CAPN2: variants seen among roughly 807,000 people sequenced by gnomAD.
CAPN2 encodes the protein calpain-2 catalytic subunit.
A neutral mutation model predicts 102.3 loss-of-function variants in CAPN2; 92 were observed. The ratio of observed to expected loss-of-function variants is 0.90; its 90% CI spans 0.76 to 1.07. The LOEUF (loss-of-function observed/expected upper bound fraction) is 1.07. Ranked by LOEUF, CAPN2 falls within the 50% of genes least tolerant of loss-of-function variation. The pLI, the probability that CAPN2 is intolerant of heterozygous loss-of-function variation, is 0.00. For missense variants in CAPN2, 800 were observed against 909.4 expected (o/e 0.88, Z 1.55); for synonymous variants, 340 against 355.4 (o/e 0.96, Z 0.49).
upstream of CAPN2, chr1:223,712,496 C>T (rs773799634): frequency 9.5e-5 from 113 of 1,193,868 alleles, no homozygotes; most frequent in Non-Finnish European, 1.1e-4. Context: ...CGGGCCGGGC[C>T]GCTTCCCTCC....
rs139659399 is a variant in CAPN2, at chr1:223,752,831, G to A, written c.1010G>A (p.Arg337His). Residue 337 changes from arginine (R) to histidine (H), a missense_variant, in exon 9 of 21, where the codon CGC becomes CAC. Arg to His is a conservative substitution (Grantham distance 29). Transcript: ENST00000295006. ...AGTGACTTCCTGAGGCACTATTCCC[G>A]CCTGGAGATCTGTAACCTGACCCCA... Reference protein sequence around the residue: ...SFSDFLRHYSRLEICNLTPDT... With the variant: ...SFSDFLRHYSHLEICNLTPDT... 1.6e-5 allele frequency: 26 copies of A among 1,614,010 alleles called. No individual in the cohort carries two copies. Among genetic ancestry groups the A allele is most frequent in the African/African-American group, 1.5e-4 (11 of 74,956 alleles).
At chr1:223,761,830 G>C (rs1402464770) in intron 13 of CAPN2, 1 of 539,664 alleles carries the variant, frequency 1.9e-6, no homozygotes, top group Non-Finnish European at 3.3e-6. Context: ...GGCTGTGCTA[G>C]CCACTGTCAA....
chr1:223,736,671 A>G (rs904868192), intron 2 of CAPN2, among the ~76,000 whole-genome samples: 2 of 152,160 alleles, frequency 1.3e-5, no homozygotes, highest in African/African-American at 4.8e-5. Context: ...ACACGAGAGC[A>G]TTTAAATCCA....
Position 223,754,465 on chromosome 1 carries a change from C to T in CAPN2, c.1136-1015C>T, listed in dbSNP as rs1332010361. On this transcript the variant is annotated intron_variant, in intron 9 of 20. Coordinates refer to ENST00000295006, the MANE Select transcript of CAPN2 (RefSeq NM_001748.5). This position sits in a 1 kb window ranked among gnomAD's most constrained non-coding sequence, Gnocchi z 4.7. ...TATAACAACAACTCTATTGCTATAA[C>T]CCAAAGGCAGCCATACTTAAGCGAA... Among the ~76,000 whole-genome samples, 1 of 152,212 alleles carries T rather than the reference C, an allele frequency of 6.6e-6. No individual in the cohort carries two copies. Among genetic ancestry groups the T allele is most frequent in the Non-Finnish European group, 1.5e-5 (1 of 68,050 alleles).
At chr1:223,716,718 G>A (rs1659881201) in intron 1 of CAPN2, among the ~76,000 whole-genome samples, 1 of 151,918 alleles carries the variant, frequency 6.6e-6, no homozygotes, top group African/African-American at 2.4e-5. Context: ...GCCCAGAGAG[G>A]CTCAAATTTG....
intron 1 of CAPN2, among the ~76,000 whole-genome samples, chr1:223,705,418 C>T (rs1198502637): frequency 6.6e-6 from 1 of 152,122 alleles, no homozygotes; most frequent in African/African-American, 2.4e-5. Context: ...GCTACTTTGG[C>T]TTTCTTACCA....
chr1:223,750,999 G>GC (rs1558072158), intron 7 of CAPN2, 24 bp downstream of exon 7: 5 of 1,541,400 alleles, frequency 3.2e-6, no homozygotes, highest in Non-Finnish European at 4.4e-6. Flanking sequence ...AGGCCTCGGG[G>GC]CCCCAGGCGG....
At chr1:223,766,830 G>T (rs563352561) in intron 16 of CAPN2, among the ~76,000 whole-genome samples, 1 of 152,048 alleles carries the variant, frequency 6.6e-6, no homozygotes, top group Admixed American at 6.5e-5. Context: ...TGTGGTGGCG[G>T]GCACCTGTAA....
chr1:223,757,221 G>C (rs769856715), intron 10 of CAPN2, 148 bp from the exon 11 acceptor site: 9 of 855,260 alleles, frequency 1.1e-5, no homozygotes, highest in Non-Finnish European at 1.8e-5. Context: ...GAGAGGCTTT[G>C]AGTTCCTTGG....
At chr1:223,763,937 C>T (rs1661248015) in intron 14 of CAPN2, among the ~76,000 whole-genome samples, 5 of 152,108 alleles carry the variant, frequency 3.3e-5, no homozygotes, top group Admixed American at 3.3e-4. Context: ...CTAAAAAGAA[C>T]CAAACCAAAA....
intron 11 of CAPN2, chr1:223,758,753 G>A (rs1043142355): frequency 5.9e-6 from 1 of 168,948 alleles, no homozygotes; most frequent in African/African-American, 2.5e-5. Flanking sequence ...GTACAGTGGT[G>A]TGATCATAGC....
intron 12 of CAPN2, among the ~76,000 whole-genome samples, chr1:223,760,701 T>A (rs1661162807): frequency 6.6e-6 from 1 of 152,146 alleles, no homozygotes; most frequent in Non-Finnish European, 1.5e-5. Flanking sequence ...CAGCCACAAG[T>A]CACTCTCCCA....
intron 2 of CAPN2, among the ~76,000 whole-genome samples, chr1:223,718,869 C>A (rs1427862957): frequency 6.6e-6 from 1 of 152,210 alleles, no homozygotes; most frequent in Non-Finnish European, 1.5e-5. Flanking sequence ...GGTCTTCCTA[C>A]AGCTAAAGTG....
intron 2 of CAPN2, among the ~76,000 whole-genome samples, chr1:223,741,595 T>C (rs1162148407): frequency 1.3e-5 from 2 of 151,118 alleles, no homozygotes; most frequent in East Asian, 3.9e-4. Flanking sequence ...GCTGGGATTA[T>C]AGGCGCATGC....
At chr1:223,707,718 G>A (rs1659642750), upstream of CAPN2, among the ~76,000 whole-genome samples, 1 of 152,206 alleles carries the variant, frequency 6.6e-6, no homozygotes, top group Non-Finnish European at 1.5e-5. Flanking sequence ...CACCAAAGAG[G>A]GTGTTGCCTA....
intron 2 of CAPN2, among the ~76,000 whole-genome samples, chr1:223,740,218 G>A (rs61823983): frequency 3.9e-5 from 6 of 152,296 alleles, no homozygotes; most frequent in African/African-American, 1.2e-4. Context: ...CCACCTGGAC[G>A]CTGAAACACC....
At position 223,717,805 on chromosome 1, in the gene CAPN2, G is replaced by T; in HGVS notation, c.281G>T (p.Arg94Leu). Reference sequence around the variant, plus strand: ...CAGTTTATCATTGGAGGAGCCACCCGCACAGACATCTGCCAAGGAGCCCTG... The same window carrying T: ...CAGTTTATCATTGGAGGAGCCACCCTCACAGACATCTGCCAAGGAGCCCTG... The part of the protein sequence containing the change: ...DPQFIIGGAT[R>L]TDICQGALGD... Residue 94 changes from arginine to leucine, a missense_variant, in exon 2 of 21, where the codon CGC becomes CTC. Physicochemically the swap from Arg to Leu is moderately radical, Grantham distance 102. Coordinates refer to ENST00000295006, the MANE Select transcript of CAPN2 (RefSeq NM_001748.5). 6.2e-7 allele frequency: 1 copy of T among 1,613,972 alleles called. No homozygotes were observed. The highest frequency in any genetic ancestry group is 1.6e-4 in the Middle Eastern group (1 of 6,062).
chr1:223,724,049 T>C (rs564236084), intron 2 of CAPN2, among the ~76,000 whole-genome samples: 25 of 151,878 alleles, frequency 1.6e-4, no homozygotes, highest in Non-Finnish European at 3.4e-4. Flanking sequence ...GCCATAGTTG[T>C]CTTATCTTGT....
At chr1:223,702,048 A>AGGG (rs1558374759) in intron 1 of CAPN2, among the ~76,000 whole-genome samples, 1 of 45,938 alleles carries the variant, frequency 2.2e-5, no homozygotes, top group Admixed American at 2.8e-4. Context: ...GGAGGGAGGG[A>AGGG]AGAAGGAAGG....
Sources: gnomAD v4.1 joint callset for allele counts (sites outside exome capture counted in the v4.1 genomes callset) on GRCh38, gnomAD v4.1.1 for gene constraint, Gnocchi (gnomAD v3.1) non-coding constraint, MANE v1.5 for transcripts, NCBI Gene and HGNC (gene_info 2026-07-23, HGNC 2026-07-21) for gene names.